Variants in MLLT3 observed in about 807,000 individuals in gnomAD.
MLLT3 encodes MLLT3 super elongation complex subunit, also known as protein AF-9.
Under a neutral mutation model 53.2 loss-of-function variants are expected in MLLT3, and 4 were observed. The ratio of observed to expected loss-of-function variants is 0.08; its 90% CI spans 0.04 to 0.17. The LOEUF is 0.17. Ranked by LOEUF, MLLT3 falls within the 10% of genes least tolerant of loss-of-function variation. The pLI is 1.00. For synonymous variants in MLLT3, 283 were observed against 230.6 expected, an observed-to-expected ratio of 1.23 and a Z score of -2.06; for missense variants, 569 against 684.0, an observed-to-expected ratio of 0.83 and a Z score of 1.87.
chr9:20,400,660 T>C (rs1822431845), intron 5 of MLLT3, among the ~76,000 whole-genome samples: 1 of 151,936 alleles, frequency 6.6e-6, no homozygotes, highest in Non-Finnish European at 1.5e-5. Flanking sequence ...TGAAGCTGAG[T>C]GATGGTCCAT....
At chr9:20,538,980 A>T (rs533754750) in intron 2 of MLLT3, among the ~76,000 whole-genome samples, 2 of 151,952 alleles carry the variant, frequency 1.3e-5, no homozygotes, top group African/African-American at 4.8e-5. Flanking sequence ...TTATTGCTTT[A>T]AAAAAAATGC....
Position 20,343,183 on chromosome 9 carries a change from CAAAAAAAAAAAAAAA to C in MLLT3, c.*3245_*3259del, listed in dbSNP as rs71334526. On this transcript the variant is annotated 3_prime_UTR_variant, in exon 11 of 11. Coordinates refer to ENST00000380338, the MANE Select transcript of MLLT3 (RefSeq NM_004529.4). ...TAGGTGGGCCTGTAAAAGATATCGG[CAAAAAAAAAAAAAAA>C]AAAAAAAAAAAAAAAATTTTGAAGA... 7 of 40,350 alleles carry C rather than the reference CAAAAAAAAAAAAAAA, an allele frequency of 1.7e-4. No homozygotes were observed. In the East Asian group the frequency reaches 1.8e-3, roughly 11 times the overall value. 2.5% of individuals were successfully genotyped at this position (40,350 alleles called of 1,614,324 possible).
At chr9:20,494,955 T>G (rs1217502325) in intron 2 of MLLT3, among the ~76,000 whole-genome samples, 1 of 152,158 alleles carries the variant, frequency 6.6e-6, no homozygotes, top group Non-Finnish European at 1.5e-5. Flanking sequence ...CCTAGGGTAA[T>G]TTGCATCTGG....
chr9:20,350,708 T>C (rs906777813), intron 10 of MLLT3, among the ~76,000 whole-genome samples: 7 of 152,174 alleles, frequency 4.6e-5, no homozygotes, highest in African/African-American at 1.7e-4. Flanking sequence ...AAAACATTCA[T>C]GATGGATTAT....
At chr9:20,563,064 G>A (rs999985163) in intron 2 of MLLT3, among the ~76,000 whole-genome samples, 2 of 152,124 alleles carry the variant, frequency 1.3e-5, no homozygotes, top group Admixed American at 1.3e-4. Context: ...TAAGAGCTAA[G>A]AAGCACAGTA....
chr9:20,479,585 G>A (rs188743078), intron 2 of MLLT3, among the ~76,000 whole-genome samples: 3 of 152,254 alleles, frequency 2.0e-5, no homozygotes, highest in Admixed American at 2.0e-4. Context: ...ATGGTTTCTA[G>A]TTCCAGCCTG....
At chr9:20,384,318 GA>G (rs1821976418) in intron 5 of MLLT3, among the ~76,000 whole-genome samples, 1 of 152,016 alleles carries the variant, frequency 6.6e-6, no homozygotes, top group Non-Finnish European at 1.5e-5. Flanking sequence ...AGTGTTGTCT[GA>G]CAAATTAAGA....
At chr9:20,406,709 A>T (rs982676403) in intron 5 of MLLT3, among the ~76,000 whole-genome samples, 5 of 152,180 alleles carry the variant, frequency 3.3e-5, no homozygotes, top group Non-Finnish European at 7.3e-5. Context: ...CAAGAAAATT[A>T]CCTTTTCTGT....
At chr9:20,593,095 T>C (rs1456407388) in intron 2 of MLLT3, among the ~76,000 whole-genome samples, 1 of 152,206 alleles carries the variant, frequency 6.6e-6, no homozygotes, top group Non-Finnish European at 1.5e-5. Flanking sequence ...CTAAATTTAC[T>C]ATAGCAGAAA....
At chr9:20,403,511 C>T (rs901650095) in intron 5 of MLLT3, among the ~76,000 whole-genome samples, 1 of 152,150 alleles carries the variant, frequency 6.6e-6, no homozygotes, top group African/African-American at 2.4e-5. Flanking sequence ...GAGGACTATG[C>T]ATGACTTATC....
intron 4 of MLLT3, among the ~76,000 whole-genome samples, chr9:20,439,426 G>C (rs1437258754): frequency 7.1e-6 from 1 of 140,852 alleles, no homozygotes; most frequent in Non-Finnish European, 1.5e-5. Flanking sequence ...GGACTAAACA[G>C]TCATCAGGAA....
At chr9:20,582,927 C>A (rs2131176357) in intron 2 of MLLT3, among the ~76,000 whole-genome samples, 1 of 152,262 alleles carries the variant, frequency 6.6e-6, no homozygotes, top group Non-Finnish European at 1.5e-5. Context: ...ATCTCATGTT[C>A]TCACATTTTA....
intron 2 of MLLT3, among the ~76,000 whole-genome samples, chr9:20,478,125 G>A (rs1236631666): frequency 1.3e-5 from 2 of 151,852 alleles, no homozygotes; most frequent in Non-Finnish European, 2.9e-5. Flanking sequence ...AAGAACTTGG[G>A]TAGATCCTTT....
chr9:20,512,011 T>C (rs1817763490), intron 2 of MLLT3, among the ~76,000 whole-genome samples: 1 of 152,158 alleles, frequency 6.6e-6, no homozygotes, highest in African/African-American at 2.4e-5. Context: ...TAGTTGACCT[T>C]GCTGGAGCAA....
intron 8 of MLLT3, among the ~76,000 whole-genome samples, chr9:20,358,656 G>C (rs1821235006): frequency 6.6e-6 from 1 of 152,166 alleles, no homozygotes; most frequent in East Asian, 1.9e-4. Context: ...GGGCATGAAA[G>C]GTGCTTGCTG....
chr9:20,376,043 G>A (rs1490793195), intron 5 of MLLT3, among the ~76,000 whole-genome samples: 20 of 152,092 alleles, frequency 1.3e-4, no homozygotes. Context: ...ACCTTCAAGT[G>A]ATCTACGTTC....
At chr9:20,500,892 AT>A (rs1825206233) in intron 2 of MLLT3, among the ~76,000 whole-genome samples, 1 of 152,334 alleles carries the variant, frequency 6.6e-6, no homozygotes, top group East Asian at 1.9e-4. Context: ...TTTAAGTTCA[AT>A]GCCCAGAAAC....
chr9:20,434,044 C>T (rs529459217), intron 4 of MLLT3, among the ~76,000 whole-genome samples: 1 of 152,174 alleles, frequency 6.6e-6, no homozygotes, highest in South Asian at 2.1e-4. Flanking sequence ...TCGCTTGAAT[C>T]TGGGAAGCGG....
intron 10 of MLLT3, among the ~76,000 whole-genome samples, chr9:20,350,068 T>A (rs987482621): frequency 6.6e-6 from 1 of 152,192 alleles, no homozygotes; most frequent in Non-Finnish European, 1.5e-5. Context: ...TTTCCAGGAA[T>A]CCTGATAGTT....
Sources: allele counts gnomAD v4.1 joint callset (sites outside exome capture counted in the v4.1 genomes callset), GRCh38; gene constraint gnomAD v4.1.1; transcripts MANE v1.5; gene names NCBI Gene and HGNC (gene_info 2026-07-23, HGNC 2026-07-21).